The following LINGO2 variants were observed in gnomAD, a reference collection of about 807,000 sequenced individuals.
LINGO2 encodes leucine rich repeat and Ig domain containing 2.
In LINGO2, 14 loss-of-function variants were observed where a neutral mutation model predicts 30.6. That is an observed-to-expected ratio of 0.46 (90% CI 0.30 to 0.72). The LOEUF is 0.72. LINGO2 is among the 30% of genes least tolerant of loss of function. LINGO2 has a pLI of 0.07. For synonymous variants in LINGO2, 317 were observed against 288.5 expected, an observed-to-expected ratio of 1.10 and a Z score of -1.00; for missense variants, 729 against 751.7, an observed-to-expected ratio of 0.97 and a Z score of 0.35.
chr9:28,823,367 T>G, the LINGO2 span, among the ~76,000 whole-genome samples: 31 of 152,208 alleles, frequency 2.0e-4, no homozygotes, highest in Non-Finnish European at 3.7e-4. Context: ...TTAAAAGGTT[T>G]TATAGGTCAA....
intron 5 of LINGO2, among the ~76,000 whole-genome samples, chr9:28,000,249 G>GGTAAC (rs1258563870): frequency 6.6e-6 from 1 of 152,090 alleles, no homozygotes; most frequent in African/African-American, 2.4e-5. Flanking sequence ...TAAGCTTTTT[G>GGTAAC]GTAACTTGAA....
chr9:28,806,102 G>C, the LINGO2 span, among the ~76,000 whole-genome samples: 1 of 151,908 alleles, frequency 6.6e-6, no homozygotes, highest in African/African-American at 2.4e-5. Context: ...TTTGGTCCAG[G>C]TGAAGACATG....
At chr9:28,875,592 T>A in the LINGO2 span, among the ~76,000 whole-genome samples, 1 of 152,114 alleles carries the variant, frequency 6.6e-6, no homozygotes. Context: ...GCATGCCCTT[T>A]ATTACCATTA....
At chr9:28,003,107 T>C (rs1270292844) in intron 5 of LINGO2, among the ~76,000 whole-genome samples, 2 of 152,160 alleles carry the variant, frequency 1.3e-5, no homozygotes, top group East Asian at 1.9e-4. Context: ...ATCACACAAA[T>C]GCATGACAAT....
chr9:28,618,281 C>CA (rs1241306452), intron 1 of LINGO2, among the ~76,000 whole-genome samples: 1 of 152,082 alleles, frequency 6.6e-6, no homozygotes, highest in African/African-American at 2.4e-5. Flanking sequence ...GTGATCACGC[C>CA]AAAAATCTAA....
chr9:28,721,775 A>G, the LINGO2 span, among the ~76,000 whole-genome samples: 1 of 152,202 alleles, frequency 6.6e-6, no homozygotes. Context: ...TACCTATGTA[A>G]CAAACCTGCA....
At chr9:28,105,874 T>C (rs1436410556) in intron 4 of LINGO2, among the ~76,000 whole-genome samples, 2 of 152,194 alleles carry the variant, frequency 1.3e-5, no homozygotes, top group South Asian at 2.1e-4. Flanking sequence ...TTCTGGCCTA[T>C]GGAACTGTGA....
At chr9:28,575,661 A>T (rs1823938534) in intron 1 of LINGO2, among the ~76,000 whole-genome samples, 1 of 152,126 alleles carries the variant, frequency 6.6e-6, no homozygotes, top group Non-Finnish European at 1.5e-5. Context: ...TACCCATATA[A>T]CAAACCTGCA....
chr9:28,588,929 C>T (rs536789629), intron 1 of LINGO2, among the ~76,000 whole-genome samples: 3 of 152,164 alleles, frequency 2.0e-5, no homozygotes, highest in Admixed American at 1.3e-4. Context: ...AGATGTCATG[C>T]CAGTGCTTCA....
At chr9:28,257,263 T>A (rs1416940508) in intron 4 of LINGO2, among the ~76,000 whole-genome samples, 1 of 151,904 alleles carries the variant, frequency 6.6e-6, no homozygotes, top group East Asian at 1.9e-4. Flanking sequence ...AGTGTAGATT[T>A]AGTATAAAAC....
chr9:29,052,121 T>G, the LINGO2 span, among the ~76,000 whole-genome samples: 1 of 152,140 alleles, frequency 6.6e-6, no homozygotes, highest in Non-Finnish European at 1.5e-5. Context: ...TCTCCATAAA[T>G]AAATAACAAT....
intron 1 of LINGO2, among the ~76,000 whole-genome samples, chr9:28,558,330 C>G (rs897036771): frequency 1.3e-5 from 2 of 151,862 alleles, no homozygotes; most frequent in Non-Finnish European, 2.9e-5. Flanking sequence ...TCGGATGAAA[C>G]TTGGCTGCCT....
chr9:28,955,856 TG>T, the LINGO2 span, among the ~76,000 whole-genome samples: 28 of 152,052 alleles, frequency 1.8e-4, no homozygotes, highest in African/African-American at 5.8e-4. Flanking sequence ...TTTCCTAGGC[TG>T]GTCTCAAACT....
the LINGO2 span, among the ~76,000 whole-genome samples, chr9:28,769,498 ATATATATATATATATATATATTT>A: frequency 1.2e-4 from 1 of 8,510 alleles, no homozygotes; most frequent in South Asian, 3.0e-3. Context: ...ATATATATAT[ATATATATATATATATATATATTT>A]TTTTTTTTTT....
chr9:28,625,097 C>A (rs1435261149), intron 1 of LINGO2, among the ~76,000 whole-genome samples: 1 of 152,018 alleles, frequency 6.6e-6, no homozygotes, highest in African/African-American at 2.4e-5. Flanking sequence ...TCAAGTGTAT[C>A]TAGGACCCCA....
At chr9:28,313,306 C>G (rs1824704645) in intron 3 of LINGO2, among the ~76,000 whole-genome samples, 1 of 152,144 alleles carries the variant, frequency 6.6e-6, no homozygotes. Flanking sequence ...TCTCTGGGCT[C>G]CTGCTCACAC....
chr9:28,211,616 A>C (rs1182741941), intron 4 of LINGO2, among the ~76,000 whole-genome samples: 2 of 151,530 alleles, frequency 1.3e-5, no homozygotes, highest in African/African-American at 4.8e-5. Context: ...TATCTTCTGC[A>C]AACTTTTTCT....
chr9:28,894,659 AT>A, the LINGO2 span, among the ~76,000 whole-genome samples: 1 of 151,778 alleles, frequency 6.6e-6, no homozygotes, highest in African/African-American at 2.4e-5. Flanking sequence ...AACTTTTTAC[AT>A]TTTAATAATA....
chr9:29,000,580 T>C, the LINGO2 span, among the ~76,000 whole-genome samples: 1 of 151,958 alleles, frequency 6.6e-6, no homozygotes, highest in Non-Finnish European at 1.5e-5. Flanking sequence ...GAAGTTAGTG[T>C]CTATTCTTAC....
Sources: gnomAD v4.1 joint callset for allele counts (sites outside exome capture counted in the v4.1 genomes callset) on GRCh38, gnomAD v4.1.1 for gene constraint, MANE v1.5 for transcripts, NCBI Gene and HGNC (gene_info 2026-07-23, HGNC 2026-07-21) for gene names.